Variants in ZNF417 observed in about 807,000 individuals in gnomAD.
The protein encoded by ZNF417 is zinc finger protein 417.
In ZNF417, 5 loss-of-function variants were observed where a neutral mutation model predicts 7.4. The observed-to-expected ratio is 0.68, with a 90% CI of 0.35 to 1.43. The LOEUF is 1.43. Ranked by LOEUF, ZNF417 falls within the 40% of genes most tolerant of loss-of-function variation. The pLI is 0.04. For missense variants in ZNF417, 437 were observed against 697.3 expected, an observed-to-expected ratio of 0.63 and a Z score of 4.20; for synonymous variants, 147 against 239.1, an observed-to-expected ratio of 0.61 and a Z score of 3.55.
At position 57,908,774 on chromosome 19, in the gene ZNF417, G is replaced by A. The variant is rs374976675; in HGVS notation, c.1504C>T (p.Leu502Phe). The A allele has an allele frequency of 1.2e-6, 2 of 1,613,028 alleles. No homozygotes were observed. The highest frequency in any genetic ancestry group is 2.7e-5 in the African/African-American group (2 of 74,838). ...TGAACATGAAGCGCAGAGCTGGAAA[G>A]AAATGATTTCCCACATTCATTGCAT... The part of the protein sequence containing the change: ...YECNECGKSF[L>F]SSSALHVHKR... Residue 502 changes from leucine to phenylalanine, a missense_variant, in exon 3 of 3, where the codon CTT becomes TTT. By Grantham distance (22) the Leu-to-Phe change is conservative. Around this residue, in one of 5 missense-constraint regions of ZNF417, gnomAD observed 233 missense variants for 235.5 expected, o/e 0.99. Transcript: ENST00000312026.
Position 57,908,881 on chromosome 19 carries a change from C to T in ZNF417, c.1397G>A (p.Cys466Tyr), listed in dbSNP as rs758977484. The change falls in exon 3 of 3, where the codon TGT becomes TAT. Residue 466 changes from cysteine to tyrosine, a missense_variant. This residue lies in a region of ZNF417 where 233 missense variants were observed against 235.5 expected (regional missense o/e 0.99). Transcript: ENST00000312026. ...RVHTGERPYA[C>Y]EVCGKLFGNK... ...ACCAAATAATTTCCCACATACCTCA[C>T]ACGCATATGGCCTTTCTCCAGTGTG... 6.2e-7 allele frequency: 1 copy of T among 1,614,228 alleles called. No homozygotes were observed. Among genetic ancestry groups the T allele is most frequent in the Admixed American group, 1.7e-5 (1 of 60,020 alleles).
rs1600151282 is a variant in ZNF417, at chr19:57,916,420, T to C, written c.-9A>G. 6.8e-6 allele frequency: 11 copies of C among 1,614,096 alleles called. No individual in the cohort carries two copies. Among genetic ancestry groups the C allele is most frequent in the Middle Eastern group, 1.7e-4 (1 of 6,004 alleles). ...GGCGCAGCCGCTGCCATCGGACTAC[T>C]TGGGGAAGCACGGCCCGGGAGCAGT... On this transcript the variant is annotated 5_prime_UTR_variant, in exon 1 of 3. Coordinates refer to ENST00000312026, the MANE Select transcript of ZNF417 (RefSeq NM_152475.3).
chr19:57,911,259 T>C (rs2071896889), intron 2 of ZNF417, among the ~76,000 whole-genome samples: 1 of 152,056 alleles, frequency 6.6e-6, no homozygotes, highest in African/African-American at 2.4e-5. Context: ...AGTGAAAAGG[T>C]ACAGAACTAA....
At chr19:57,911,347 C>A (rs1272619211) in intron 2 of ZNF417, among the ~76,000 whole-genome samples, 1 of 152,132 alleles carries the variant, frequency 6.6e-6, no homozygotes, top group Non-Finnish European at 1.5e-5. Context: ...AAACACTTGG[C>A]AAATATAAAT....
rs1395787806 is a variant in ZNF417 at position 57,906,710 on chromosome 19, G to A, written c.*1840C>T. Reference sequence around the variant, plus strand: ...TGGGAGGCGGAGGTTGCAGTGAGCCGAGACCATGCCATTGCACTTCAGCCT... The same window carrying A: ...TGGGAGGCGGAGGTTGCAGTGAGCCAAGACCATGCCATTGCACTTCAGCCT... On this transcript the variant is annotated 3_prime_UTR_variant, in exon 3 of 3. Coordinates refer to ENST00000312026, the MANE Select transcript of ZNF417 (RefSeq NM_152475.3). 1 of 109,698 alleles carries A rather than the reference G, an allele frequency of 9.1e-6. No homozygotes were observed. Among genetic ancestry groups the A allele is most frequent in the South Asian group, 3.4e-4 (1 of 2,974 alleles). The allele number at this position is 109,698 out of a possible 1,614,324, so 6.8% of individuals were successfully genotyped here. A position where few individuals can be genotyped will look rare whatever the true frequency, so the allele number is the denominator to read the frequency against.
rs1369752790 is a variant in ZNF417 at position 57,909,238 on chromosome 19, G to T, written c.1040C>A (p.Thr347Asn). The change falls in exon 3 of 3, where the codon ACT (threonine) becomes AAT (asparagine). Residue 347 changes from threonine (T) to asparagine (N), a missense_variant. This residue lies in a region of ZNF417 where 53 missense variants were observed against 91.9 expected (regional missense o/e 0.58). Coordinates refer to ENST00000312026, the MANE Select transcript of ZNF417 (RefSeq NM_152475.3). ...GNLIQHQQGH[T>N]GERAYHCGEC... ...CCCACAGTGATAAGCTCTCTCTCCA[G>T]TGTGACCTTGCTGATGTTGAATGAG... The T allele has an allele frequency of 6.2e-7, 1 of 1,614,128 alleles. No individual in the cohort carries two copies. Among genetic ancestry groups the T allele is most frequent in the Middle Eastern group, 1.6e-4 (1 of 6,062 alleles).
rs905988731 is a variant in ZNF417, at chr19:57,908,247, C to T, written c.*303G>A. The T allele has an allele frequency of 9.1e-6, 4 of 438,348 alleles. No homozygotes were observed. The highest frequency in any genetic ancestry group is 1.7e-5 in the Non-Finnish European group (4 of 240,528). 27.2% of individuals were successfully genotyped at this position (438,348 alleles called of 1,614,324 possible). On this transcript the variant is annotated 3_prime_UTR_variant, in exon 3 of 3. Coordinates refer to ENST00000312026, the MANE Select transcript of ZNF417 (RefSeq NM_152475.3). ...CTCATAGCTCTTGTGGTACTGAAAA[C>T]CAAGTATTTGGCCGGGCATGGTGTG...
chr19:57,908,887 T>A lies in ZNF417; in HGVS notation c.1391A>T (p.Tyr464Phe). 5 of 1,614,230 alleles carry A rather than the reference T, an allele frequency of 3.1e-6. No individual in the cohort carries two copies. The highest frequency in any genetic ancestry group is 4.2e-6 in the Non-Finnish European group (5 of 1,180,046). The part of the protein sequence containing the change: ...HERVHTGERP[Y>F]ACEVCGKLFG... ...TAATTTCCCACATACCTCACACGCA[T>A]ATGGCCTTTCTCCAGTGTGAACTCT... The change falls in exon 3 of 3, where the codon TAT (tyrosine) becomes TTT (phenylalanine). Residue 464 changes from tyrosine (Y) to phenylalanine (F), a missense_variant. Physicochemically the swap from Tyr to Phe is conservative, Grantham distance 22 (BLOSUM62 3). Around this residue, in one of 5 missense-constraint regions of ZNF417, gnomAD observed 233 missense variants for 235.5 expected, o/e 0.99. Coordinates refer to ENST00000312026, the MANE Select transcript of ZNF417 (RefSeq NM_152475.3).
In ZNF417 at chr19:57,909,273, T is replaced by C. The variant is rs761228452; in HGVS notation, c.1005A>G (p.Gln335=). 8 of 1,613,894 alleles carry C rather than the reference T, an allele frequency of 5.0e-6. No homozygotes were observed. In the South Asian group the frequency reaches 6.6e-5, roughly 13 times the overall value. Residue 335 remains glutamine (Q), a synonymous_variant, in exon 3 of 3, where the codon CAA becomes CAG. Transcript: ENST00000312026. ...GCTGATGTTGAATGAGGTTACCCTT[T>C]TGACCAAAAGATTTCCCATATTCTC... ...ECREYGKSFG[Q]KGNLIQHQQG...
Position 57,916,545 on chromosome 19 carries a change from G to A in ZNF417, c.-134C>T. On this transcript the variant is annotated 5_prime_UTR_variant, in exon 1 of 3. Coordinates refer to ENST00000312026, the MANE Select transcript of ZNF417 (RefSeq NM_152475.3). ...CCGCGGTCCCCCCCCAGCACTCAGG[G>A]GCCACAAACTGGGGAAACACCCGCG... The A allele has an allele frequency of 6.5e-7, 1 of 1,530,636 alleles. No homozygotes were observed. The highest frequency in any genetic ancestry group is 8.8e-7 in the Non-Finnish European group (1 of 1,140,588). 94.8% of individuals were successfully genotyped at this position (1,530,636 alleles called of 1,614,324 possible). A position where few individuals can be genotyped will look rare whatever the true frequency, so the allele number is the denominator to read the frequency against.
intron 1 of ZNF417, among the ~76,000 whole-genome samples, chr19:57,915,144 G>A (rs1406298496): frequency 3.9e-5 from 6 of 152,128 alleles, no homozygotes; most frequent in Admixed American, 3.9e-4. Flanking sequence ...TGTCTGACCT[G>A]CTTGTCTCAG....
chr19:57,914,803 C>G (rs1384397278), intron 1 of ZNF417, among the ~76,000 whole-genome samples: 1 of 152,220 alleles, frequency 6.6e-6, no homozygotes, highest in Non-Finnish European at 1.5e-5. Context: ...AGTGTTTACA[C>G]TGGCTGACAG....
In ZNF417 at chr19:57,906,383, G is replaced by A. The variant is rs2071827785; in HGVS notation, c.*2167C>T. Among the ~76,000 whole-genome samples, 1 of 152,028 alleles carries A rather than the reference G, an allele frequency of 6.6e-6. No individual in the cohort carries two copies. Among genetic ancestry groups the A allele is most frequent in the Non-Finnish European group, 1.5e-5 (1 of 68,020 alleles). On this transcript the variant is annotated 3_prime_UTR_variant, in exon 3 of 3. Coordinates refer to ENST00000312026, the MANE Select transcript of ZNF417 (RefSeq NM_152475.3). ...GGGCTGAGACTGTTAACATCTGACTGTACCTTGCTATTTGTAACTTACAAT... is the reference window on the plus strand; with the variant it reads ...GGGCTGAGACTGTTAACATCTGACTATACCTTGCTATTTGTAACTTACAAT...
chr19:57,910,477 T>A (rs1477492274), intron 2 of ZNF417, among the ~76,000 whole-genome samples: 1 of 150,260 alleles, frequency 6.7e-6, no homozygotes, highest in Non-Finnish European at 1.5e-5. Flanking sequence ...ACCCGGGAGG[T>A]GGAGGTTTGC....
chr19:57,908,610 T>C lies in ZNF417; in HGVS notation c.1668A>G (p.Thr556=). ...GAAGGAGGGTAGAGCTTCGCTGAAA[T>C]GTTTTTCCACATTTGGTACATTCAT... ...RPYECTKCGK[T]FQRSSTLLHH... Residue 556 remains threonine (T), a synonymous_variant, in exon 3 of 3, where the codon ACA becomes ACG. Transcript: ENST00000312026. The C allele has an allele frequency of 6.2e-7, 1 of 1,613,826 alleles. No individual in the cohort carries two copies. The highest frequency in any genetic ancestry group is 8.5e-7 in the Non-Finnish European group (1 of 1,180,008).
chr19:57,914,029 C>T (rs999963493), intron 1 of ZNF417, among the ~76,000 whole-genome samples: 2 of 152,166 alleles, frequency 1.3e-5, no homozygotes, highest in African/African-American at 4.8e-5. Flanking sequence ...TGGTCACTGA[C>T]TCTTCATATG....
Position 57,907,242 on chromosome 19 carries a change from G to C in ZNF417, c.*1308C>G, listed in dbSNP as rs2071840328. ...CCTTTTGTTTCACTAAATGGGACAG[G>C]AAGTTTTAACTCTTGTATCCATGAA... is the stretch of plus-strand genomic sequence containing the variant. On this transcript the variant is annotated 3_prime_UTR_variant, in exon 3 of 3. Transcript: ENST00000312026. The C allele has an allele frequency of 6.6e-6, 1 of 152,100 alleles. No individual in the cohort carries two copies. Among genetic ancestry groups the C allele is most frequent in the Admixed American group, 6.5e-5 (1 of 15,268 alleles). The allele number at this position is 152,100 out of a possible 1,614,324, so 9.4% of individuals were successfully genotyped here. A position where few individuals can be genotyped will look rare whatever the true frequency, so the allele number is the denominator to read the frequency against.
At position 57,908,711 on chromosome 19, in the gene ZNF417, T is replaced by C. The variant is rs1284447523; in HGVS notation, c.1567A>G (p.Ser523Gly). The change falls in exon 3 of 3, where the codon AGT becomes GGT. Residue 523 changes from serine (S) to glycine (G), a missense_variant. Physicochemically the swap from Ser to Gly is moderately conservative, Grantham distance 56. Coordinates refer to ENST00000312026, the MANE Select transcript of ZNF417 (RefSeq NM_152475.3). ...VHSGQKPYKCSECGKSFAECS... is the reference protein window; with the variant it reads ...VHSGQKPYKCGECGKSFAECS... ...TCAGCAAAGGATTTTCCACATTCACTGCACTTATAAGGCTTTTGTCCAGAA... is the reference window on the plus strand; with the variant it reads ...TCAGCAAAGGATTTTCCACATTCACCGCACTTATAAGGCTTTTGTCCAGAA... The C allele has an allele frequency of 1.9e-6, 3 of 1,614,140 alleles. No homozygotes were observed. Among genetic ancestry groups the C allele is most frequent in the Non-Finnish European group, 2.5e-6 (3 of 1,180,012 alleles).
intron 1 of ZNF417, among the ~76,000 whole-genome samples, chr19:57,914,534 T>C (rs1359890494): frequency 6.8e-6 from 1 of 146,724 alleles, no homozygotes; most frequent in African/African-American, 2.5e-5. Context: ...CCTAGCTGTC[T>C]CTTTACAAAA....
Sources: gnomAD v4.1 joint callset for allele counts (sites outside exome capture counted in the v4.1 genomes callset) on GRCh38, gnomAD v4.1.1 for gene constraint, gnomAD v4.1.1 regional missense constraint, MANE v1.5 for transcripts, NCBI Gene and HGNC (gene_info 2026-07-23, HGNC 2026-07-21) for gene names.